LANCL1: variants seen among roughly 807,000 people sequenced by gnomAD.
LANCL1 encodes glutathione S-transferase LANCL1.
In LANCL1, 50 loss-of-function variants were observed where a neutral mutation model predicts 50.6. The observed-to-expected ratio is 0.99, with a 90% confidence interval of 0.79 to 1.25. LANCL1 has a LOEUF of 1.25. LANCL1 is among the 50% of genes most tolerant of loss of function. LANCL1 has a pLI of 0.00. For synonymous variants in LANCL1, 188 were observed against 178.6 expected (o/e 1.05, Z -0.42); for missense variants, 532 against 480.7 (o/e 1.11, Z -1.00).
intron 3 of LANCL1, among the ~76,000 whole-genome samples, chr2:210,459,273 T>C (rs1414288983): frequency 6.6e-6 from 1 of 152,022 alleles, no homozygotes; most frequent in Non-Finnish European, 1.5e-5. Context: ...CCTCATTTTA[T>C]ACTATATACA....
At chr2:210,471,755 A>G in intron 3 of LANCL1, 1 of 745,736 alleles carries the variant, frequency 1.3e-6, no homozygotes, top group Non-Finnish European at 2.5e-6. Context: ...TATGCTTACC[A>G]TGCCCTAAAT....
chr2:210,469,078 T>C (rs950553564), intron 3 of LANCL1: 8 of 152,208 alleles, frequency 5.3e-5, no homozygotes, highest in African/African-American at 1.7e-4. Flanking sequence ...TAAAGAAATA[T>C]AATGTGTGTT....
intron 3 of LANCL1, among the ~76,000 whole-genome samples, chr2:210,467,183 C>A (rs961123421): frequency 1.3e-5 from 2 of 152,346 alleles, no homozygotes; most frequent in African/African-American, 2.4e-5. Flanking sequence ...TACTTCATTT[C>A]TGACACGGAT....
In LANCL1 at chr2:210,437,714, G is replaced by C; in HGVS notation, c.849C>G (p.Ile283Met). 6.2e-7 allele frequency: 1 copy of C among 1,606,660 alleles called. No individual in the cohort carries two copies. Among genetic ancestry groups the C allele is most frequent in the Non-Finnish European group, 8.5e-7 (1 of 1,176,848 alleles). ...CCTTATAGGCCTGGATGAGCATGTA[G>C]ATTACCCCAGGGGCGCCATGGCACC... ...VHWCHGAPGV[I>M]YMLIQAYKVF... Residue 283 changes from isoleucine (I) to methionine (M), a missense_variant, in exon 7 of 10, where the codon ATC becomes ATG. Ile to Met is a conservative substitution (Grantham distance 10). Coordinates refer to ENST00000450366, the MANE Select transcript of LANCL1 (RefSeq NM_006055.3).
intron 4 of LANCL1, among the ~76,000 whole-genome samples, chr2:210,445,749 T>C (rs1693304049): frequency 6.6e-6 from 1 of 152,146 alleles, no homozygotes; most frequent in South Asian, 2.1e-4. Context: ...ATGCAACCCA[T>C]CTTTAGAAGA....
chr2:210,465,293 C>G (rs1451743736), intron 3 of LANCL1, among the ~76,000 whole-genome samples: 1 of 152,100 alleles, frequency 6.6e-6, no homozygotes, highest in East Asian at 1.9e-4. Context: ...ATATTGTAAA[C>G]CTTGAATAAC....
intron 4 of LANCL1, among the ~76,000 whole-genome samples, chr2:210,450,664 G>A (rs2105903261): frequency 6.6e-6 from 1 of 152,166 alleles, no homozygotes; most frequent in Non-Finnish European, 1.5e-5. Context: ...CAAAAAGTGG[G>A]CAAAAGATAT....
At chr2:210,444,702 G>A (rs142242694) in intron 4 of LANCL1, among the ~76,000 whole-genome samples, 1 of 152,240 alleles carries the variant, frequency 6.6e-6, no homozygotes, top group African/African-American at 2.4e-5. Flanking sequence ...GAGATATACT[G>A]AGAAATAGAT....
chr2:210,455,029 G>A, intron 4 of LANCL1, 78 bp downstream of exon 4: 1 of 1,202,000 alleles, frequency 8.3e-7, no homozygotes, highest in Admixed American at 1.9e-5. Context: ...AAACTCACTA[G>A]AATGTTCTTT....
rs761748708 is a variant in LANCL1, at chr2:210,472,070, G to A, written c.88C>T (p.Pro30Ser). The stretch of plus-strand genomic sequence containing the variant: ...TTGGTCAAGCGTTGTGAGAACTCAG[G>A]AGTCAGCTAGATATTAAAGGAAAAC... ...GYFDAAGRLT[P>S]EFSQRLTNKI... is the part of the protein sequence containing the mutation. The change falls in exon 3 of 10, where the codon CCT (proline) becomes TCT (serine). Residue 30 changes from proline (P) to serine (S), a missense_variant. By Grantham distance (74) the Pro-to-Ser change is moderately conservative. Coordinates refer to ENST00000450366, the MANE Select transcript of LANCL1 (RefSeq NM_006055.3). 6.2e-7 allele frequency: 1 copy of A among 1,609,374 alleles called. No individual in the cohort carries two copies. Among genetic ancestry groups the A allele is most frequent in the Non-Finnish European group, 8.5e-7 (1 of 1,175,852 alleles).
chr2:210,437,976 G>A, intron 6 of LANCL1, 104 bp from the exon 7 acceptor site: 3 of 738,422 alleles, frequency 4.1e-6, no homozygotes, highest in Non-Finnish European at 4.1e-6. Flanking sequence ...GGAAATGGAA[G>A]GTCATTAAGA....
At position 210,436,255 on chromosome 2, in the gene LANCL1, G is replaced by A; in HGVS notation, c.1011C>T (p.Asn337=). The A allele has an allele frequency of 1.9e-6, 3 of 1,613,924 alleles. No individual in the cohort carries two copies. Among genetic ancestry groups the A allele is most frequent in the Non-Finnish European group, 2.5e-6 (3 of 1,179,960 alleles). The change falls in exon 8 of 10, where the codon AAC becomes AAT. Residue 337 remains asparagine, a synonymous_variant. Coordinates refer to ENST00000450366, the MANE Select transcript of LANCL1 (RefSeq NM_006055.3). ...GNAYAFLTLY[N]LTQDMKYLYR... is the part of the protein sequence containing the mutation. The stretch of plus-strand genomic sequence containing the variant: ...ACAGGTACTTCATGTCCTGTGTGAG[G>A]TTGTAGAGTGTCAGGAAGGCATAGG...
At chr2:210,454,247 C>T (rs2105907327) in intron 4 of LANCL1, among the ~76,000 whole-genome samples, 1 of 147,922 alleles carries the variant, frequency 6.8e-6, no homozygotes, top group South Asian at 2.1e-4. Context: ...CACACACACA[C>T]ACACACACAC....
At chr2:210,475,486 C>T (rs72930538) in intron 2 of LANCL1, among the ~76,000 whole-genome samples, 4,190 of 152,240 alleles carry the variant, frequency 0.028, 113 homozygotes, top group Middle Eastern at 0.054. Context: ...CTTTCCACCA[C>T]ACCTGGCTAA....
At chr2:210,455,583 GAC>G (rs1299074467) in intron 3 of LANCL1, among the ~76,000 whole-genome samples, 1 of 152,092 alleles carries the variant, frequency 6.6e-6, no homozygotes, top group African/African-American at 2.4e-5. Context: ...CCAATAAAGA[GAC>G]ACACAGCCTA....
At position 210,476,711 on chromosome 2, in the gene LANCL1, T is replaced by TGGCCTCTCACCCCGCAGCCCC; in HGVS notation, c.-129_-109dup. Reference sequence around the variant, plus strand: ...CGCGTCCTGAAGCCCTTCTCGGCCCTGGCCTCTCACCCCGCAGCCCCGGAC... The same window carrying TGGCCTCTCACCCCGCAGCCCC: ...CGCGTCCTGAAGCCCTTCTCGGCCCTGGCCTCTCACCCCGCAGCCCCGGCCTCTCACCCCGCAGCCCCGGAC... On this transcript the variant is annotated 5_prime_UTR_variant, in exon 1 of 10. Coordinates refer to ENST00000450366, the MANE Select transcript of LANCL1 (RefSeq NM_006055.3). 1 of 1,152,844 alleles carries TGGCCTCTCACCCCGCAGCCCC rather than the reference T, an allele frequency of 8.7e-7. No homozygotes were observed. The highest frequency in any genetic ancestry group is 1.1e-6 in the Non-Finnish European group (1 of 933,482). The allele number at this position is 1,152,844 out of a possible 1,614,324, so 71.4% of individuals were successfully genotyped here. A position where few individuals can be genotyped will look rare whatever the true frequency, so the allele number is the denominator to read the frequency against.
chr2:210,463,313 C>T (rs759998761), intron 3 of LANCL1, among the ~76,000 whole-genome samples: 3 of 151,988 alleles, frequency 2.0e-5, no homozygotes, highest in South Asian at 2.1e-4. Context: ...TGGATTCAAG[C>T]GATTCTCCTG....
At position 210,434,291 on chromosome 2, in the gene LANCL1, A is replaced by T. The variant is rs1692844236; in HGVS notation, c.*196T>A. 1 of 510,966 alleles carries T rather than the reference A, an allele frequency of 2.0e-6. No homozygotes were observed. The highest frequency in any genetic ancestry group is 3.5e-6 in the Non-Finnish European group (1 of 288,894). 31.7% of individuals were successfully genotyped at this position (510,966 alleles called of 1,614,324 possible). ...AAGAAATGGAAATTAAAGTTAAAAG[A>T]CTTCCTTGGATACTTCTAAGTAAAA... is the stretch of plus-strand genomic sequence containing the variant. On this transcript the variant is annotated 3_prime_UTR_variant, in exon 10 of 10. Coordinates refer to ENST00000450366, the MANE Select transcript of LANCL1 (RefSeq NM_006055.3).
chr2:210,457,083 G>T (rs1277641355), intron 3 of LANCL1, among the ~76,000 whole-genome samples: 1 of 152,046 alleles, frequency 6.6e-6, no homozygotes, highest in Non-Finnish European at 1.5e-5. Flanking sequence ...CCTCTCATTT[G>T]GGCCTCTGGG....
Sources: gnomAD v4.1 joint callset for allele counts (sites outside exome capture counted in the v4.1 genomes callset) on GRCh38, gnomAD v4.1.1 for gene constraint, MANE v1.5 for transcripts, NCBI Gene and HGNC (gene_info 2026-07-23, HGNC 2026-07-21) for gene names.